The following MAST4 variants were observed in gnomAD, a reference collection of about 807,000 sequenced individuals.
The protein encoded by MAST4 is microtubule-associated serine/threonine-protein kinase 4.
A neutral mutation model predicts 162.7 loss-of-function variants in MAST4; 89 were observed. The ratio of observed to expected loss-of-function variants is 0.55; its 90% confidence interval spans 0.46 to 0.65. The LOEUF is 0.65. Among genes scored for constraint, MAST4 ranks in the 30% least tolerant of loss-of-function variants. MAST4 has a pLI of 0.00. For synonymous variants in MAST4, 1,479 were observed against 1,361.1 expected (o/e 1.09, Z -1.91); for missense variants, 3,153 against 3,374.0 (o/e 0.93, Z 1.62).
intron 4 of MAST4, among the ~76,000 whole-genome samples, chr5:66,923,510 G>A (rs938689793): frequency 2.0e-5 from 3 of 152,228 alleles, no homozygotes; most frequent in Non-Finnish European, 4.4e-5. Context: ...GTTGGTGAGG[G>A]AAGTGCTTTC....
intron 2 of MAST4, among the ~76,000 whole-genome samples, chr5:66,773,421 G>C (rs1754446076): frequency 6.6e-6 from 1 of 151,256 alleles, no homozygotes; most frequent in South Asian, 2.1e-4. Context: ...CCTGAAGGGA[G>C]AGCAGAGGGT....
chr5:66,894,241 A>G (rs458309), intron 3 of MAST4, among the ~76,000 whole-genome samples: 80,324 of 152,020 alleles, frequency 0.53, 21,560 homozygotes, highest in Middle Eastern at 0.6. Context: ...AACAACATAC[A>G]CAAACCACTT....
chr5:66,612,962 T>C (rs1484886802), intron 1 of MAST4, among the ~76,000 whole-genome samples: 1 of 152,252 alleles, frequency 6.6e-6, no homozygotes, highest in Non-Finnish European at 1.5e-5. Context: ...AACAACATAC[T>C]ATGAAGATTA....
intron 3 of MAST4, among the ~76,000 whole-genome samples, chr5:66,865,522 AT>A (rs1360547592): frequency 1.3e-5 from 2 of 152,228 alleles, no homozygotes; most frequent in Non-Finnish European, 2.9e-5. Context: ...AAATGGAAGT[AT>A]TTAAGTTTTT....
intron 1 of MAST4, among the ~76,000 whole-genome samples, chr5:66,713,213 G>T (rs1750607622): frequency 6.6e-6 from 1 of 152,104 alleles, no homozygotes; most frequent in South Asian, 2.1e-4. Flanking sequence ...CCATATAGAG[G>T]TCAAGATCTT....
At chr5:67,104,664 T>A in intron 10 of MAST4, 89 bp downstream of exon 10, 2 of 906,344 alleles carry the variant, frequency 2.2e-6, no homozygotes, top group Non-Finnish European at 3.3e-6. Flanking sequence ...AACCATGAAA[T>A]GGAGTTCACA....
chr5:66,832,841 G>T (rs1392810209), intron 3 of MAST4, among the ~76,000 whole-genome samples: 1 of 152,146 alleles, frequency 6.6e-6, no homozygotes, highest in Non-Finnish European at 1.5e-5. Flanking sequence ...AAGCACTTTT[G>T]TTCTTCAGCA....
intron 1 of MAST4, among the ~76,000 whole-genome samples, chr5:66,727,193 A>G (rs1202233268): frequency 1.3e-5 from 2 of 152,226 alleles, no homozygotes; most frequent in Non-Finnish European, 2.9e-5. Context: ...AACCTGGTAC[A>G]CATGCTACCA....
At chr5:67,110,332 C>T (rs564980682) in intron 11 of MAST4, 133 bp downstream of exon 11, 10 of 649,502 alleles carry the variant, frequency 1.5e-5, no homozygotes, top group Non-Finnish European at 2.2e-5. Flanking sequence ...AACTTGTGAA[C>T]GTTTATGATG....
At chr5:66,872,103 G>A (rs1053792559) in intron 3 of MAST4, among the ~76,000 whole-genome samples, 1 of 152,130 alleles carries the variant, frequency 6.6e-6, no homozygotes, top group Non-Finnish European at 1.5e-5. Flanking sequence ...ACCACCCTTG[G>A]GAAGTAAATT....
At chr5:66,909,249 C>T (rs1448456572) in intron 4 of MAST4, among the ~76,000 whole-genome samples, 1 of 152,122 alleles carries the variant, frequency 6.6e-6, no homozygotes, top group Non-Finnish European at 1.5e-5. Flanking sequence ...GACACGAGCT[C>T]TCTATATTGC....
At chr5:67,052,251 G>C (rs1419074953) in intron 4 of MAST4, among the ~76,000 whole-genome samples, 1 of 152,126 alleles carries the variant, frequency 6.6e-6, no homozygotes, top group Non-Finnish European at 1.5e-5. Context: ...TTAGAAATCT[G>C]TATAGAGGAG....
At chr5:66,682,868 G>C (rs150118470) in intron 1 of MAST4, among the ~76,000 whole-genome samples, 1 of 152,156 alleles carries the variant, frequency 6.6e-6, no homozygotes, top group Non-Finnish European at 1.5e-5. Context: ...ACTGCACCCC[G>C]CTTCATCTGG....
At chr5:66,855,817 C>CT (rs1759641926) in intron 3 of MAST4, among the ~76,000 whole-genome samples, 1 of 152,126 alleles carries the variant, frequency 6.6e-6, no homozygotes, top group Non-Finnish European at 1.5e-5. Flanking sequence ...AGTAGGCTTA[C>CT]ATGGTTTTGG....
chr5:66,813,277 T>C (rs1176340983), intron 3 of MAST4, among the ~76,000 whole-genome samples: 1 of 152,342 alleles, frequency 6.6e-6, no homozygotes, highest in Middle Eastern at 3.4e-3. Context: ...TAGAGGAATG[T>C]TCACATTTGC....
chr5:67,105,698 A>T (rs952607028), intron 10 of MAST4, among the ~76,000 whole-genome samples: 2 of 152,228 alleles, frequency 1.3e-5, no homozygotes, highest in African/African-American at 4.8e-5. Context: ...GGCAAAGTAA[A>T]ATTGCTAAAT....
chr5:66,656,607 A>T (rs964403263), intron 1 of MAST4, among the ~76,000 whole-genome samples: 35 of 152,210 alleles, frequency 2.3e-4, no homozygotes, highest in African/African-American at 7.9e-4. Context: ...GATTAAAAAA[A>T]CTCTGATATC....
At chr5:66,777,513 G>A (rs1754658404) in intron 2 of MAST4, among the ~76,000 whole-genome samples, 1 of 152,140 alleles carries the variant, frequency 6.6e-6, no homozygotes, top group Non-Finnish European at 1.5e-5. Flanking sequence ...GTCAGGGTTT[G>A]ATTTTAGGAT....
At chr5:66,871,275 A>G (rs1037233152) in intron 3 of MAST4, among the ~76,000 whole-genome samples, 3 of 152,022 alleles carry the variant, frequency 2.0e-5, no homozygotes, top group African/African-American at 7.3e-5. Flanking sequence ...TAGGAAGTGT[A>G]TCAGTTTTAA....
Sources: gnomAD v4.1 joint callset for allele counts (sites outside exome capture counted in the v4.1 genomes callset) on GRCh38, gnomAD v4.1.1 for gene constraint, MANE v1.5 for transcripts, NCBI Gene and HGNC (gene_info 2026-07-23, HGNC 2026-07-21) for gene names.